Variants in UBN2 observed in about 807,000 individuals in gnomAD.
UBN2 encodes ubinuclein 2.
Under a neutral mutation model 120.2 loss-of-function variants are expected in UBN2, and 35 were observed. The observed-to-expected ratio is 0.29, with a 90% CI of 0.22 to 0.39. UBN2 has a LOEUF of 0.39. UBN2 is among the 10% of genes least tolerant of loss of function. The probability of loss-of-function intolerance (pLI) is 1.00; values close to 1 mark genes in which losing one functional copy is unlikely to be tolerated. For synonymous variants in UBN2, 661 were observed against 648.7 expected, an observed-to-expected ratio of 1.02 and a Z score of -0.29; for missense variants, 1,693 against 1,663.2, an observed-to-expected ratio of 1.02 and a Z score of -0.31.
At chr7:139,328,530 G>A in the UBN2 span, among the ~76,000 whole-genome samples, 1 of 152,188 alleles carries the variant, frequency 6.6e-6, no homozygotes, top group South Asian at 2.1e-4. Context: ...CTGCTAGAGT[G>A]AGAAGTCCTT....
Position 139,284,319 on chromosome 7 carries a change from A to G in UBN2, c.3414A>G (p.Pro1138=). 1 of 1,614,052 alleles carries G rather than the reference A, an allele frequency of 6.2e-7. No individual in the cohort carries two copies. Among genetic ancestry groups the G allele is most frequent in the Non-Finnish European group, 8.5e-7 (1 of 1,180,004 alleles). ...LLPSSRTSGL[P]PTKNLQAPSK... is the part of the protein sequence containing the mutation. ...CCTCTAGTCGCACTTCAGGCCTTCC[A>G]CCTACAAAAAATCTTCAGGCCCCCT... is the stretch of plus-strand genomic sequence containing the variant. Residue 1138 remains proline, a synonymous_variant, in exon 15 of 18, where the codon CCA becomes CCG. Coordinates refer to ENST00000473989, the MANE Select transcript of UBN2 (RefSeq NM_173569.4).
At chr7:139,281,049 C>CTTTTTATTT (rs1797593513) in intron 13 of UBN2, among the ~76,000 whole-genome samples, 1 of 152,120 alleles carries the variant, frequency 6.6e-6, no homozygotes, top group Non-Finnish European at 1.5e-5. Context: ...TGACACTTGA[C>CTTTTTATTT]TTTATTTTTA....
At chr7:139,326,093 T>C in the UBN2 span, among the ~76,000 whole-genome samples, 1 of 151,884 alleles carries the variant, frequency 6.6e-6, no homozygotes, top group Non-Finnish European at 1.5e-5. Context: ...CCATCTCTAC[T>C]AAAATTACAA....
the UBN2 span, among the ~76,000 whole-genome samples, chr7:139,314,141 C>G: frequency 6.6e-6 from 1 of 150,954 alleles, no homozygotes; most frequent in African/African-American, 2.4e-5. Context: ...AGTCACCGCA[C>G]CTGGCCCAGA....
chr7:139,246,194 G>T (rs1337824153), intron 2 of UBN2, among the ~76,000 whole-genome samples: 2 of 152,150 alleles, frequency 1.3e-5, no homozygotes, highest in African/African-American at 2.4e-5. Context: ...GTGAAACCCT[G>T]CCTCTACTAA....
At chr7:139,250,908 A>G (rs1796607969) in intron 2 of UBN2, among the ~76,000 whole-genome samples, 1 of 152,146 alleles carries the variant, frequency 6.6e-6, no homozygotes, top group African/African-American at 2.4e-5. Flanking sequence ...GAAGTTCAAG[A>G]ACAGCCTGGG....
chr7:139,294,208 T>C (rs1798046430), intron 17 of UBN2, among the ~76,000 whole-genome samples: 1 of 152,206 alleles, frequency 6.6e-6, no homozygotes, highest in African/African-American at 2.4e-5. Context: ...GTTTATTATG[T>C]GGAAATGACG....
In UBN2 at chr7:139,258,581, G is replaced by A; in HGVS notation, c.757G>A (p.Glu253Lys). The stretch of plus-strand genomic sequence containing the variant: ...ACAGTTTCGCCAAGCTTCAGATACT[G>A]AAGAAGATGATATTACAGACAACCA... ...TLQFRQASDT[E>K]EDDITDNQKH... The change falls in exon 4 of 18, where the codon GAA (glutamate) becomes AAA (lysine). Residue 253 changes from glutamate to lysine, a missense_variant. Glu to Lys is a moderately conservative substitution (Grantham distance 56, BLOSUM62 1). This residue lies in a region of UBN2 where 663 missense variants were observed against 591.2 expected (regional missense o/e 1.12). Transcript: ENST00000473989. The A allele has an allele frequency of 6.2e-7, 1 of 1,606,424 alleles. No individual in the cohort carries two copies. Among genetic ancestry groups the A allele is most frequent in the Non-Finnish European group, 8.5e-7 (1 of 1,175,802 alleles).
the UBN2 span, among the ~76,000 whole-genome samples, chr7:139,328,043 C>T: frequency 2.0e-5 from 3 of 152,144 alleles, no homozygotes; most frequent in Admixed American, 2.0e-4. Context: ...ATATAGTTTC[C>T]TCTTCTGTTG....
At position 139,261,249 on chromosome 7, in the gene UBN2, C is replaced by G; in HGVS notation, c.906-3C>G. 1 of 1,594,224 alleles carries G rather than the reference C, an allele frequency of 6.3e-7. No homozygotes were observed. Among genetic ancestry groups the G allele is most frequent in the Non-Finnish European group, 8.5e-7 (1 of 1,172,776 alleles). On this transcript the variant is annotated splice_region_variant and splice_polypyrimidine_tract_variant and intron_variant, in intron 5 of 17. Coordinates refer to ENST00000473989, the MANE Select transcript of UBN2 (RefSeq NM_173569.4). ...GCCTAACTGATCATTTTTGTCTTCA[C>G]AGAGTTGTGGCTCTAAATTCACACA...
At chr7:139,239,551 CT>C (rs774812960) in intron 2 of UBN2, among the ~76,000 whole-genome samples, 296 of 94,562 alleles carry the variant, frequency 3.1e-3, no homozygotes, top group African/African-American at 9.6e-3. Context: ...ATTAGAGTGT[CT>C]TTTTTTTTTT....
At position 139,284,591 on chromosome 7, in the gene UBN2, C is replaced by A. The variant is rs142587924; in HGVS notation, c.3669+17C>A. The A allele has an allele frequency of 6.3e-7, 1 of 1,576,600 alleles. No individual in the cohort carries two copies. ...AGTGTGCAGGTATGTATGTTCTGTA[C>A]GTCCATGTGATAAACTATAAGATTG... On this transcript the variant is annotated intron_variant, in intron 15 of 17. Transcript: ENST00000473989.
intron 4 of UBN2, 65 bp downstream of exon 4, chr7:139,258,690 A>T: frequency 7.2e-7 from 1 of 1,392,572 alleles, no homozygotes; most frequent in Non-Finnish European, 9.5e-7. Context: ...TTTTAATGTT[A>T]CTTGTGTCAC....
chr7:139,289,674 A>C (rs1797894728), intron 15 of UBN2, among the ~76,000 whole-genome samples: 1 of 151,950 alleles, frequency 6.6e-6, no homozygotes, highest in East Asian at 1.9e-4. Context: ...AGCCTCCCAA[A>C]GTGCTGGGAT....
chr7:139,254,119 C>A (rs924842290), intron 3 of UBN2, among the ~76,000 whole-genome samples: 1 of 152,104 alleles, frequency 6.6e-6, no homozygotes, highest in Non-Finnish European at 1.5e-5. Context: ...CAGTGAAATC[C>A]CATCTCTACT....
At chr7:139,257,695 CG>C (rs1208700751) in intron 3 of UBN2, among the ~76,000 whole-genome samples, 1 of 152,006 alleles carries the variant, frequency 6.6e-6, no homozygotes, top group Non-Finnish European at 1.5e-5. Flanking sequence ...AGATTATAGG[CG>C]TGAGCCACCA....
Position 139,308,025 on chromosome 7 carries a change from GTTTTTT to G in UBN2, c.*10200_*10205del, listed in dbSNP as rs59386512. Reference sequence around the variant, plus strand: ...ACTCCTTCAGTGCAGGGATTTTTGTGTTTTTTTTTTTTTTTTAATTTTTTTGCAACA... The same window carrying G: ...ACTCCTTCAGTGCAGGGATTTTTGTGTTTTTTTTTTAATTTTTTTGCAACA... On this transcript the variant is annotated 3_prime_UTR_variant, in exon 18 of 18. Coordinates refer to ENST00000473989, the MANE Select transcript of UBN2 (RefSeq NM_173569.4). 1.5e-5 allele frequency: 2 copies of G among 135,304 alleles called. No individual in the cohort carries two copies. The highest frequency in any genetic ancestry group is 5.2e-5 in the African/African-American group (2 of 38,540). 8.4% of individuals were successfully genotyped at this position (135,304 alleles called of 1,614,324 possible).
At position 139,269,489 on chromosome 7, in the gene UBN2, T is replaced by C; in HGVS notation, c.1562T>C (p.Val521Ala). Residue 521 changes from valine to alanine, a missense_variant, in exon 8 of 18, where the codon GTA (valine) becomes GCA (alanine). Coordinates refer to ENST00000473989, the MANE Select transcript of UBN2 (RefSeq NM_173569.4). Reference sequence around the variant, plus strand: ...GTGCCATGCAATAAAGAAACACTAGTAAAACGTCTGAAGAAGTTACATCTC... The same window carrying C: ...GTGCCATGCAATAAAGAAACACTAGCAAAACGTCTGAAGAAGTTACATCTC... Reference protein sequence around the residue: ...AFVPCNKETLVKRLKKLHLNV... With the variant: ...AFVPCNKETLAKRLKKLHLNV... 6.2e-7 allele frequency: 1 copy of C among 1,614,122 alleles called. No individual in the cohort carries two copies.
At chr7:139,323,953 G>A in the UBN2 span, among the ~76,000 whole-genome samples, 1 of 152,118 alleles carries the variant, frequency 6.6e-6, no homozygotes, top group African/African-American at 2.4e-5. Context: ...GTGCTTTGGG[G>A]CCTCTGCCAT....
Sources: allele counts gnomAD v4.1 joint callset (sites outside exome capture counted in the v4.1 genomes callset), GRCh38; gene constraint gnomAD v4.1.1; regional missense constraint gnomAD v4.1.1; transcripts MANE v1.5; gene names NCBI Gene and HGNC (gene_info 2026-07-23, HGNC 2026-07-21).